The following CHRNB3 variants were observed in gnomAD, a reference collection of about 807,000 sequenced individuals.
CHRNB3 encodes neuronal acetylcholine receptor subunit beta-3.
In CHRNB3, 37 loss-of-function variants were observed where a neutral mutation model predicts 40.6. The ratio of observed to expected loss-of-function variants is 0.91; its 90% confidence interval spans 0.70 to 1.20. CHRNB3 has a LOEUF of 1.20. Ranked by LOEUF, CHRNB3 falls within the 50% of genes most tolerant of loss-of-function variation. The pLI is 0.00. For missense variants in CHRNB3, 505 were observed against 551.2 expected (o/e 0.92, Z 0.84); for synonymous variants, 207 against 207.1 (o/e 1.00, Z 0.00).
intron 3 of CHRNB3, among the ~76,000 whole-genome samples, chr8:42,727,778 G>A (rs1367169570): frequency 1.3e-5 from 2 of 151,942 alleles, no homozygotes; most frequent in African/African-American, 2.4e-5. Context: ...CAGGGGAATC[G>A]CTTGAACCCA....
At chr8:42,712,240 A>G (rs946369075) in intron 3 of CHRNB3, among the ~76,000 whole-genome samples, 12 of 152,136 alleles carry the variant, frequency 7.9e-5, no homozygotes, top group African/African-American at 2.4e-4. Flanking sequence ...TGATCTGCTC[A>G]CCTCGGCCTC....
chr8:42,730,511 TA>T, intron 3 of CHRNB3, 82 bp from the exon 4 acceptor site: 1 of 848,070 alleles, frequency 1.2e-6, no homozygotes, highest in Non-Finnish European at 1.8e-6. Context: ...AGTGGCTTGG[TA>T]AAGCTAACAG....
At position 42,728,539 on chromosome 8, in the gene CHRNB3, A is replaced by G. The variant is rs1816347474; in HGVS notation, c.250-2055A>G. Among the ~76,000 whole-genome samples, 2 of 152,130 alleles carry G rather than the reference A, an allele frequency of 1.3e-5. 1 individual carries two copies. Among genetic ancestry groups the G allele is most frequent in the African/African-American group, 4.8e-5 (2 of 41,396 alleles). On this transcript the variant is annotated intron_variant, in intron 3 of 5. Transcript: ENST00000289957. Reference sequence around the variant, plus strand: ...ACAAGATCCTGTCTCAAATTAAAAAAACAAAACAAAACAAAAAACAAACAT... The same window carrying G: ...ACAAGATCCTGTCTCAAATTAAAAAGACAAAACAAAACAAAAAACAAACAT...
chr8:42,726,979 C>T (rs528490947), intron 3 of CHRNB3, among the ~76,000 whole-genome samples: 10 of 152,232 alleles, frequency 6.6e-5, no homozygotes, highest in Non-Finnish European at 2.9e-5. Flanking sequence ...AAATCAATCA[C>T]AATTAAAATC....
intron 1 of CHRNB3, among the ~76,000 whole-genome samples, chr8:42,703,896 A>C (rs1815872943): frequency 1.3e-5 from 2 of 152,224 alleles, no homozygotes; most frequent in South Asian, 4.1e-4. Context: ...CTTGTCCTCT[A>C]AGTCTGCTCC....
At chr8:42,724,669 G>A (rs1030131000) in intron 3 of CHRNB3, among the ~76,000 whole-genome samples, 3 of 151,944 alleles carry the variant, frequency 2.0e-5, no homozygotes, top group Admixed American at 6.6e-5. Flanking sequence ...CAGACGAGGC[G>A]GCAGCCAATG....
intron 1 of CHRNB3, among the ~76,000 whole-genome samples, chr8:42,702,633 C>T (rs150354641): frequency 0.011 from 1,722 of 152,078 alleles, 38 homozygotes; most frequent in African/African-American, 0.04. Flanking sequence ...CATGGTGGCA[C>T]GTGCCTGTAA....
chr8:42,736,420 T>C (rs1461426412), intron 5 of CHRNB3, 64 bp from the exon 6 acceptor site: 1 of 1,574,060 alleles, frequency 6.4e-7, no homozygotes, highest in Admixed American at 1.8e-5. Context: ...TTTTAATCCC[T>C]TGAGATGAAT....
At chr8:42,732,586 AG>A in intron 5 of CHRNB3, 37 bp downstream of exon 5, 2 of 1,523,924 alleles carry the variant, frequency 1.3e-6, no homozygotes, top group Non-Finnish European at 1.8e-6. Context: ...GCTGCCGTAA[AG>A]GTAGGCCAAA....
At chr8:42,717,373 CAAAAAAAAAAAAAAAAAAA>C (rs1169333899) in intron 3 of CHRNB3, among the ~76,000 whole-genome samples, 1 of 11,196 alleles carries the variant, frequency 8.9e-5, no homozygotes, top group African/African-American at 2.8e-4. Flanking sequence ...GACTCCGTCT[CAAAAAAAAAAAAAAAAAAA>C]AAAAAAAAAA....
chr8:42,701,226 CAA>C lies in CHRNB3; in HGVS notation c.52+3646_52+3647del, dbSNP rs58800727. ...CTGGCGACAGAGCGAGACTCTGTCT[CAA>C]AAAAAAAAAAAAAAAAAGAATAAAG... On this transcript the variant is annotated intron_variant, in intron 1 of 5. Coordinates refer to ENST00000289957, the MANE Select transcript of CHRNB3 (RefSeq NM_000749.5). Among the ~76,000 whole-genome samples the C allele has an allele frequency of 3.5e-3, 250 of 71,482 alleles. 3 individuals carry two copies. Among genetic ancestry groups the C allele is most frequent in the African/African-American group, 9.7e-3 (213 of 22,028 alleles). 46.9% of individuals were successfully genotyped at this position (71,482 alleles called of 152,430 possible).
intron 3 of CHRNB3, among the ~76,000 whole-genome samples, chr8:42,722,291 G>A (rs562443718): frequency 6.6e-6 from 1 of 152,080 alleles, no homozygotes; most frequent in African/African-American, 2.4e-5. Context: ...CTTGAACCCA[G>A]GAAGCGGAGG....
intron 3 of CHRNB3, among the ~76,000 whole-genome samples, chr8:42,728,077 A>G (rs993721572): frequency 2.6e-5 from 4 of 152,126 alleles, no homozygotes; most frequent in African/African-American, 4.8e-5. Context: ...TATTTGACAA[A>G]CCACTTTTAT....
intron 1 of CHRNB3, among the ~76,000 whole-genome samples, chr8:42,700,700 T>G (rs986816621): frequency 6.6e-6 from 1 of 152,236 alleles, no homozygotes; most frequent in Non-Finnish European, 1.5e-5. Flanking sequence ...AAGATTTTTA[T>G]GAAATCCTGT....
At chr8:42,735,448 G>C (rs1016792298) in intron 5 of CHRNB3, among the ~76,000 whole-genome samples, 4 of 152,152 alleles carry the variant, frequency 2.6e-5, no homozygotes, top group Non-Finnish European at 5.9e-5. Context: ...TGAGGCAGGA[G>C]AACCACTTAA....
Position 42,731,993 on chromosome 8 carries a change from T to G in CHRNB3, c.686T>G (p.Leu229Arg). ...CCCTTTATCACGTATTCCTTCGTCC[T>G]GAGACGCCTGCCTTTATTCTATACC... ...SYPFITYSFVLRRLPLFYTLF... is the reference protein window; with the variant it reads ...SYPFITYSFVRRRLPLFYTLF... The change falls in exon 5 of 6, where the codon CTG becomes CGG. Residue 229 changes from leucine to arginine, a missense_variant. Physicochemically the swap from Leu to Arg is moderately radical, Grantham distance 102. Transcript: ENST00000289957. 6.2e-7 allele frequency: 1 copy of G among 1,614,068 alleles called. No individual in the cohort carries two copies. Among genetic ancestry groups the G allele is most frequent in the African/African-American group, 1.3e-5 (1 of 75,020 alleles).
At chr8:42,730,571 C>T (rs761168131) in intron 3 of CHRNB3, 23 bp from the exon 4 acceptor site, 1 of 1,385,884 alleles carries the variant, frequency 7.2e-7, no homozygotes, top group South Asian at 1.3e-5. Flanking sequence ...GGAATAAAAT[C>T]ACAGTGTACT....
At position 42,704,156 on chromosome 8, in the gene CHRNB3, G is replaced by C. The variant is rs182848284; in HGVS notation, c.53-4561G>C. 1.4e-3 allele frequency among the ~76,000 whole-genome samples: 210 copies of C among 152,292 alleles called. 4 individuals are homozygous for C. Among genetic ancestry groups the C allele is most frequent in the Middle Eastern group, 0.01 (3 of 292 alleles). ...GCTAGAAAGTCAGTTTCTGGTGAGGGCTCTGTTCCTGGCTTACAAACAGCT... is the reference window on the plus strand; with the variant it reads ...GCTAGAAAGTCAGTTTCTGGTGAGGCCTCTGTTCCTGGCTTACAAACAGCT... On this transcript the variant is annotated intron_variant, in intron 1 of 5. Transcript: ENST00000289957.
At position 42,730,699 on chromosome 8, in the gene CHRNB3, GA is replaced by G; in HGVS notation, c.359del (p.Asn120MetfsTer10). 6.4e-7 allele frequency: 1 copy of G among 1,572,036 alleles called. No homozygotes were observed. Among genetic ancestry groups the G allele is most frequent in the Non-Finnish European group, 8.7e-7 (1 of 1,148,038 alleles). On this transcript the variant is annotated frameshift_variant, in exon 4 of 6. Coordinates refer to ENST00000289957, the MANE Select transcript of CHRNB3 (RefSeq NM_000749.5). LOFTEE classifies it high-confidence loss of function. ...GTGGCTTCCTGACATAGTTCTCTTT[GA>G]AAAGTAAGTATCACATTGTTTCTTA... is the stretch of plus-strand genomic sequence containing the variant. ...SLWLPDIVLF[E>X]NADGRFEGSL...
Sources: gnomAD v4.1 joint callset for allele counts (sites outside exome capture counted in the v4.1 genomes callset) on GRCh38, gnomAD v4.1.1 for gene constraint, MANE v1.5 for transcripts, NCBI Gene and HGNC (gene_info 2026-07-23, HGNC 2026-07-21) for gene names.